The following RELN variants were observed in gnomAD, a reference collection of about 807,000 sequenced individuals.
RELN encodes the protein reelin.
RELN carries 108 observed loss-of-function variants against 427.6 expected under a neutral mutation model. The ratio of observed to expected loss-of-function variants is 0.25; its 90% CI spans 0.22 to 0.30. The LOEUF (loss-of-function observed/expected upper bound fraction) is 0.30. Among genes scored for constraint, RELN ranks in the 10% least tolerant of loss-of-function variants. The pLI is 1.00. For missense variants in RELN, 3,715 were observed against 4,302.8 expected (o/e 0.86, Z 3.82); for synonymous variants, 1,524 against 1,513.4 (o/e 1.01, Z -0.16).
Position 103,553,682 on chromosome 7 carries a change from G to T in RELN, c.5947C>A (p.Pro1983Thr). ...TACGGTGCCCCCTTTGAAGAATATG[G>T]ACAATAAAGACCGATGTTACCACCA... is the stretch of plus-strand genomic sequence containing the variant. ...YPGGNIGLYCPYSSKGAPEED... is the reference protein window; with the variant it reads ...YPGGNIGLYCTYSSKGAPEED... The change falls in exon 39 of 65, where the codon CCA becomes ACA. Residue 1983 changes from proline to threonine, a missense_variant. Coordinates refer to ENST00000428762, the MANE Select transcript of RELN (RefSeq NM_005045.4). 6.2e-7 allele frequency: 1 copy of T among 1,614,010 alleles called. No homozygotes were observed. Among genetic ancestry groups the T allele is most frequent in the Non-Finnish European group, 8.5e-7 (1 of 1,179,976 alleles).
At chr7:103,654,257 A>AT (rs1832981592) in intron 12 of RELN, 52 bp from the exon 13 acceptor site, 3 of 891,004 alleles carry the variant, frequency 3.4e-6, no homozygotes, top group Non-Finnish European at 5.7e-6. Flanking sequence ...ATCCATAAAC[A>AT]TATCAAATAT....
At position 103,708,464 on chromosome 7, in the gene RELN, C is replaced by CTTTTTTTCTTTT. The variant is rs1554405178; in HGVS notation, c.806-7459_806-7458insAAAAGAAAAAAA. 1.4e-4 allele frequency among the ~76,000 whole-genome samples: 15 copies of CTTTTTTTCTTTT among 110,042 alleles called. 1 individual carries two copies. Among genetic ancestry groups the CTTTTTTTCTTTT allele is most frequent in the African/African-American group, 6.6e-4 (15 of 22,604 alleles). 72.2% of individuals were successfully genotyped at this position (110,042 alleles called of 152,430 possible). A position where few individuals can be genotyped will look rare whatever the true frequency, so the allele number is the denominator to read the frequency against. On this transcript the variant is annotated intron_variant, in intron 8 of 64. Transcript: ENST00000428762. ...CACCCAAACACCAGTGGGTATGACT[C>CTTTTTTTCTTTT]TTTTTTTTTTTTTTTTTGAGACGGA... is the stretch of plus-strand genomic sequence containing the variant.
At chr7:103,747,458 T>C (rs1350671732) in intron 6 of RELN, among the ~76,000 whole-genome samples, 1 of 152,080 alleles carries the variant, frequency 6.6e-6, no homozygotes, top group Non-Finnish European at 1.5e-5. Context: ...TTGCCTACTT[T>C]TACCGCACAG....
intron 8 of RELN, among the ~76,000 whole-genome samples, chr7:103,704,565 T>C (rs1834160504): frequency 6.6e-6 from 1 of 152,108 alleles, no homozygotes; most frequent in Non-Finnish European, 1.5e-5. Flanking sequence ...CACCTCCCCT[T>C]GCTTCTGAAG....
At chr7:103,904,569 T>C (rs1484710119) in intron 2 of RELN, among the ~76,000 whole-genome samples, 1 of 152,208 alleles carries the variant, frequency 6.6e-6, no homozygotes, top group Non-Finnish European at 1.5e-5. Flanking sequence ...GTATCTATGA[T>C]CTGTGAAGTG....
intron 8 of RELN, among the ~76,000 whole-genome samples, chr7:103,708,114 G>C (rs1361587043): frequency 1.3e-5 from 2 of 151,988 alleles, no homozygotes; most frequent in Admixed American, 6.6e-5. Flanking sequence ...TTTTACTCTG[G>C]TTCTATTTAA....
intron 19 of RELN, among the ~76,000 whole-genome samples, chr7:103,633,389 A>G (rs1027482142): frequency 1.1e-4 from 17 of 152,012 alleles, no homozygotes; most frequent in Non-Finnish European, 2.5e-4. Context: ...TCTAGAATGT[A>G]TCAACTTCCC....
chr7:103,592,989 T>C (rs867194853), intron 27 of RELN, among the ~76,000 whole-genome samples: 1 of 152,214 alleles, frequency 6.6e-6, no homozygotes, highest in Non-Finnish European at 1.5e-5. Flanking sequence ...ACATCTGATC[T>C]CTTTAATAAT....
At chr7:103,702,417 A>G (rs983387132) in intron 8 of RELN, among the ~76,000 whole-genome samples, 1 of 152,236 alleles carries the variant, frequency 6.6e-6, no homozygotes, top group Non-Finnish European at 1.5e-5. Flanking sequence ...AAATCTCTGA[A>G]AAAGGAAAGC....
intron 28 of RELN, among the ~76,000 whole-genome samples, chr7:103,585,604 T>A (rs545775592): frequency 2.0e-5 from 3 of 152,162 alleles, no homozygotes; most frequent in Non-Finnish European, 4.4e-5. Flanking sequence ...CAGTACAAGA[T>A]GGATTCAGAT....
chr7:103,543,355 C>T (rs184114024), intron 42 of RELN, among the ~76,000 whole-genome samples: 18 of 152,196 alleles, frequency 1.2e-4, no homozygotes, highest in East Asian at 1.9e-4. Context: ...TATTAAATAA[C>T]GCCTTTAAGG....
At chr7:103,583,285 G>A (rs944676920) in intron 28 of RELN, among the ~76,000 whole-genome samples, 2 of 152,066 alleles carry the variant, frequency 1.3e-5, no homozygotes, top group Non-Finnish European at 2.9e-5. Context: ...GTCTATCACG[G>A]AACTAGTTAG....
chr7:103,820,997 A>T (rs992704683), intron 3 of RELN, among the ~76,000 whole-genome samples: 1 of 152,264 alleles, frequency 6.6e-6, no homozygotes, highest in South Asian at 2.1e-4. Context: ...AAAAAAAGTC[A>T]TATCAAGAGT....
intron 3 of RELN, among the ~76,000 whole-genome samples, chr7:103,826,939 A>G (rs1793156539): frequency 1.3e-5 from 2 of 151,792 alleles, no homozygotes; most frequent in African/African-American, 2.4e-5. Flanking sequence ...AGTGATCTCC[A>G]TAAGTTCTCA....
In RELN at chr7:103,636,463, T is replaced by A. The variant is rs758326853; in HGVS notation, c.2075A>T (p.Asp692Val). 1 of 1,599,618 alleles carries A rather than the reference T, an allele frequency of 6.3e-7. No individual in the cohort carries two copies. Among genetic ancestry groups the A allele is most frequent in the Non-Finnish European group, 8.6e-7 (1 of 1,167,192 alleles). ...ACAAGCTGGGCCAGAAAATCCAGGGTCACACCTGAAAGAAATATGGTGAAA... is the reference window on the plus strand; with the variant it reads ...ACAAGCTGGGCCAGAAAATCCAGGGACACACCTGAAAGAAATATGGTGAAA... The part of the protein sequence containing the change: ...GQCTRHGCKC[D>V]PGFSGPACEM... Residue 692 changes from aspartate to valine, a missense_variant, in exon 18 of 65, where the codon GAC (aspartate) becomes GTC (valine). Transcript: ENST00000428762.
At chr7:103,634,700 C>A (rs1329746049) in intron 19 of RELN, among the ~76,000 whole-genome samples, 1 of 151,750 alleles carries the variant, frequency 6.6e-6, no homozygotes, top group Non-Finnish European at 1.5e-5. Flanking sequence ...ACATGTAAAT[C>A]TTAATAACAT....
chr7:103,575,213 CAG>C (rs1461939562), intron 29 of RELN, among the ~76,000 whole-genome samples: 1 of 152,182 alleles, frequency 6.6e-6, no homozygotes, highest in Non-Finnish European at 1.5e-5. Context: ...AGTACTATGA[CAG>C]AGTTATTGTT....
chr7:103,623,382 G>C (rs912171418), intron 20 of RELN, among the ~76,000 whole-genome samples: 1 of 152,148 alleles, frequency 6.6e-6, no homozygotes, highest in Non-Finnish European at 1.5e-5. Context: ...CAAAATTTCT[G>C]TATAAGCTAC....
intron 6 of RELN, among the ~76,000 whole-genome samples, chr7:103,741,363 A>G (rs1790650127): frequency 6.6e-6 from 1 of 151,956 alleles, no homozygotes; most frequent in Non-Finnish European, 1.5e-5. Context: ...ATCAATATAT[A>G]TTCCATAGAT....
Sources: gnomAD v4.1 joint callset for allele counts (sites outside exome capture counted in the v4.1 genomes callset) on GRCh38, gnomAD v4.1.1 for gene constraint, MANE v1.5 for transcripts, NCBI Gene and HGNC (gene_info 2026-07-23, HGNC 2026-07-21) for gene names.